The following SLC36A1 variants were observed in gnomAD, a reference collection of about 807,000 sequenced individuals.
SLC36A1 encodes proton-coupled amino acid transporter 1.
In SLC36A1, 30 loss-of-function variants were observed where a neutral mutation model predicts 47.5. The observed-to-expected ratio is 0.63, with a 90% CI of 0.47 to 0.86. The LOEUF (loss-of-function observed/expected upper bound fraction) is 0.86. Among genes scored for constraint, SLC36A1 ranks in the 40% least tolerant of loss-of-function variants. The probability of loss-of-function intolerance (pLI) is 0.00; values close to 1 mark genes in which losing one functional copy is unlikely to be tolerated. For synonymous variants in SLC36A1, 255 were observed against 249.7 expected (o/e 1.02, Z -0.20); for missense variants, 517 against 606.0 (o/e 0.85, Z 1.54).
At chr5:151,351,499 T>C in the SLC36A1 span, among the ~76,000 whole-genome samples, 6 of 152,110 alleles carry the variant, frequency 3.9e-5, no homozygotes, top group African/African-American at 1.4e-4. Context: ...GAGAGTGAAT[T>C]GCGGATGAGG....
At chr5:151,543,417 C>T in the SLC36A1 span, 82 of 1,613,878 alleles carry the variant, frequency 5.1e-5, no homozygotes, top group East Asian at 1.6e-4. Flanking sequence ...TGATCTTCAC[C>T]GTGCAGAAGG....
the SLC36A1 span, chr5:151,540,897 C>A: frequency 1.3e-6 from 1 of 763,014 alleles, no homozygotes; most frequent in South Asian, 2.0e-5. Context: ...TAACTAGGAA[C>A]CCACGATTCT....
At chr5:151,467,105 C>T in intron 5 of SLC36A1, 94 bp from the exon 6 acceptor site, 1 of 954,806 alleles carries the variant, frequency 1.0e-6, no homozygotes, top group Non-Finnish European at 1.6e-6. Context: ...CTCCCTAAAT[C>T]TATTAAAAAA....
At chr5:151,386,986 G>A in the SLC36A1 span, 3 of 152,366 alleles carry the variant, frequency 2.0e-5, no homozygotes, top group Admixed American at 6.5e-5. Flanking sequence ...GGGAGGTCCT[G>A]GTGGCCCAAC....
At chr5:151,347,174 T>C in the SLC36A1 span, 1 of 1,239,538 alleles carries the variant, frequency 8.1e-7, no homozygotes, top group Non-Finnish European at 1.2e-6. Flanking sequence ...ACTGCACCTT[T>C]TGCAACCTTG....
the SLC36A1 span, among the ~76,000 whole-genome samples, chr5:151,516,845 C>A: frequency 6.6e-6 from 1 of 152,214 alleles, no homozygotes; most frequent in Admixed American, 6.5e-5. Context: ...GTGGTTCATG[C>A]CTGTAATCCT....
the SLC36A1 span, among the ~76,000 whole-genome samples, chr5:151,518,701 C>T: frequency 6.6e-6 from 1 of 152,238 alleles, no homozygotes; most frequent in African/African-American, 2.4e-5. Flanking sequence ...CCCGCCTTAG[C>T]AATGGCTAAT....
At chr5:151,474,332 G>T (rs165350) in intron 8 of SLC36A1, among the ~76,000 whole-genome samples, 22,336 of 151,862 alleles carry the variant, frequency 0.15, 2,006 homozygotes, top group Non-Finnish European at 0.21. Context: ...TCTCCTATGT[G>T]TGCAGTAAGG....
the SLC36A1 span, among the ~76,000 whole-genome samples, chr5:151,530,563 A>C: frequency 6.6e-6 from 1 of 152,262 alleles, no homozygotes; most frequent in Non-Finnish European, 1.5e-5. Flanking sequence ...AAAATCTTGC[A>C]TATCAACCAA....
the SLC36A1 span, chr5:151,527,934 C>G: frequency 1.3e-6 from 2 of 1,574,644 alleles, no homozygotes; most frequent in Non-Finnish European, 1.7e-6. Context: ...TCTTCTGGAC[C>G]TGCAGTGGGA....
chr5:151,363,605 A>G, the SLC36A1 span, among the ~76,000 whole-genome samples: 2 of 152,134 alleles, frequency 1.3e-5, no homozygotes, highest in Admixed American at 6.5e-5. Context: ...CTTTTTTTAC[A>G]GTAGTCCTTA....
chr5:151,365,285 A>G, the SLC36A1 span, among the ~76,000 whole-genome samples: 13 of 152,340 alleles, frequency 8.5e-5, no homozygotes, highest in East Asian at 2.1e-3. Context: ...TGCTCTTCCT[A>G]TTGAATCAAG....
chr5:151,466,876 C>A (rs1756470664), intron 5 of SLC36A1, among the ~76,000 whole-genome samples: 1 of 152,180 alleles, frequency 6.6e-6, no homozygotes, highest in African/African-American at 2.4e-5. Context: ...CCCTCACCTT[C>A]TTCCCAATGC....
chr5:151,554,533 C>G, the SLC36A1 span: 1 of 1,614,202 alleles, frequency 6.2e-7, no homozygotes, highest in Non-Finnish European at 8.5e-7. Context: ...GCCCAGGGGA[C>G]ACAGGGCTCA....
the SLC36A1 span, among the ~76,000 whole-genome samples, chr5:151,429,149 G>A: frequency 2.0e-5 from 3 of 152,082 alleles, no homozygotes; most frequent in African/African-American, 4.8e-5. Flanking sequence ...ACTCTAAGCA[G>A]TGGATATTCT....
the SLC36A1 span, chr5:151,507,325 G>C: frequency 1.2e-6 from 2 of 1,614,188 alleles, no homozygotes; most frequent in African/African-American, 1.3e-5. Flanking sequence ...GGTTCCGGTT[G>C]GTTGAGGTTG....
intron 10 of SLC36A1, among the ~76,000 whole-genome samples, chr5:151,487,666 A>G (rs576233937): frequency 6.6e-6 from 1 of 152,206 alleles, no homozygotes; most frequent in South Asian, 2.1e-4. Context: ...TAGAAACCAG[A>G]TTGACCTGAA....
chr5:151,398,900 T>C, the SLC36A1 span, among the ~76,000 whole-genome samples: 2 of 152,114 alleles, frequency 1.3e-5, no homozygotes, highest in Admixed American at 6.6e-5. Context: ...TCACTTTATT[T>C]TGAAATATTT....
the SLC36A1 span, among the ~76,000 whole-genome samples, chr5:151,399,223 A>G: frequency 1.8e-4 from 27 of 151,028 alleles, no homozygotes; most frequent in Middle Eastern, 7.0e-3. Context: ...AGTAGATGGG[A>G]TTACAGATGT....
Sources: gnomAD v4.1 joint callset for allele counts (sites outside exome capture counted in the v4.1 genomes callset) on GRCh38, gnomAD v4.1.1 for gene constraint, MANE v1.5 for transcripts, NCBI Gene and HGNC (gene_info 2026-07-23, HGNC 2026-07-21) for gene names.